Variants in PCLAF observed in about 807,000 individuals in gnomAD.
The protein encoded by PCLAF is PCNA clamp associated factor.
In PCLAF, 12 loss-of-function variants were observed where a neutral mutation model predicts 15.1. That is an observed-to-expected ratio of 0.79 (90% CI 0.51 to 1.29). PCLAF has a LOEUF of 1.29. PCLAF is among the 50% of genes most tolerant of loss of function. PCLAF has a pLI of 0.00. For missense variants in PCLAF, 116 were observed against 130.9 expected (o/e 0.89, Z 0.56); for synonymous variants, 33 against 47.1 (o/e 0.70, Z 1.22).
At chr15:64,370,999 C>T (rs1899287049) in intron 3 of PCLAF, among the ~76,000 whole-genome samples, 1 of 133,682 alleles carries the variant, frequency 7.5e-6, no homozygotes, top group African/African-American at 2.8e-5. Flanking sequence ...GACGGAGTCT[C>T]GCGCTGTCGC....
At chr15:64,368,073 G>A (rs1215698963) in intron 3 of PCLAF, among the ~76,000 whole-genome samples, 1 of 151,908 alleles carries the variant, frequency 6.6e-6, no homozygotes, top group Admixed American at 6.6e-5. Flanking sequence ...CCGGCGCGGT[G>A]GCTCATGCCT....
chr15:64,376,621 G>C (rs1427228993), intron 3 of PCLAF, 122 bp downstream of exon 3: 87 of 682,300 alleles, frequency 1.3e-4, no homozygotes, highest in Non-Finnish European at 9.8e-6. Context: ...GTTCCACCAT[G>C]TTGGACAGGC....
chr15:64,370,426 G>A (rs1253444686), intron 3 of PCLAF, among the ~76,000 whole-genome samples: 1 of 148,244 alleles, frequency 6.7e-6, no homozygotes, highest in Non-Finnish European at 1.5e-5. Flanking sequence ...GGAGTGCAAT[G>A]GCATGATCTC....
chr15:64,373,826 A>C (rs1422242718), intron 3 of PCLAF: 3 of 1,485,356 alleles, frequency 2.0e-6, no homozygotes. Flanking sequence ...TGGCAGTGAC[A>C]TCACTCCCTT....
Position 64,376,729 on chromosome 15 carries a change from A to T in PCLAF, c.290+14T>A, listed in dbSNP as rs886575798. The stretch of plus-strand genomic sequence containing the variant: ...ATAAATATTTTCTTTATATTCCAGA[A>T]TATAAAAACTTACTTTCTCTTTGCT... On this transcript the variant is annotated intron_variant, in intron 3 of 3. Coordinates refer to ENST00000300035, the MANE Select transcript of PCLAF (RefSeq NM_014736.6). 5 of 1,602,208 alleles carry T rather than the reference A, an allele frequency of 3.1e-6. No individual in the cohort carries two copies. Among genetic ancestry groups the T allele is most frequent in the Admixed American group, 1.7e-5 (1 of 58,568 alleles).
At chr15:64,377,486 AAAATATATATATATATATATATATAT>A (rs1899644783) in intron 2 of PCLAF, among the ~76,000 whole-genome samples, 3 of 40,810 alleles carry the variant, frequency 7.4e-5, no homozygotes, top group African/African-American at 2.7e-4. Flanking sequence ...AAAAAAAAAA[AAAATATATATATATATATATATATAT>A]ATATATATAT....
upstream of PCLAF, among the ~76,000 whole-genome samples, chr15:64,381,689 A>G (rs117530341): frequency 7.5e-4 from 115 of 152,320 alleles, no homozygotes; most frequent in Admixed American, 2.4e-3. Flanking sequence ...GTGGGTGCTA[A>G]GTTTCTGAAC....
chr15:64,381,256 C>T (rs375863113), intron 1 of PCLAF, 70 bp downstream of exon 1: 132 of 1,560,852 alleles, frequency 8.5e-5, no homozygotes, highest in South Asian at 1.6e-4. Context: ...GGACCTCTGG[C>T]GTCTGTCGCC....
At chr15:64,377,263 C>T (rs888910396) in intron 2 of PCLAF, among the ~76,000 whole-genome samples, 4 of 150,624 alleles carry the variant, frequency 2.7e-5, no homozygotes, top group South Asian at 4.2e-4. Flanking sequence ...GTCAGGAGTT[C>T]GAGACCAACC....
chr15:64,374,966 G>A (rs1899548554), intron 3 of PCLAF, among the ~76,000 whole-genome samples: 1 of 151,910 alleles, frequency 6.6e-6, no homozygotes. Flanking sequence ...CAAGTTTGGT[G>A]TGTGTAGTTT....
At chr15:64,379,027 A>G (rs147758148) in intron 2 of PCLAF, among the ~76,000 whole-genome samples, 1 of 152,286 alleles carries the variant, frequency 6.6e-6, no homozygotes, top group East Asian at 1.9e-4. Flanking sequence ...TAAAATAAGG[A>G]TATTACCCAT....
At chr15:64,375,657 T>G (rs1221865913) in intron 3 of PCLAF, among the ~76,000 whole-genome samples, 1 of 152,062 alleles carries the variant, frequency 6.6e-6, no homozygotes, top group Non-Finnish European at 1.5e-5. Context: ...CCTCCCAAAG[T>G]GCTAGGATTA....
Position 64,364,355 on chromosome 15 carries a change from A to G in PCLAF, c.*1675T>C, listed in dbSNP as rs1596317504. On this transcript the variant is annotated 3_prime_UTR_variant, in exon 4 of 4. Transcript: ENST00000300035. Reference sequence around the variant, plus strand: ...TTTATTACAAACGTATTTCAGAAAAATATGCCTACTAAAATATGATTACTT... The same window carrying G: ...TTTATTACAAACGTATTTCAGAAAAGTATGCCTACTAAAATATGATTACTT... 6.6e-6 allele frequency: 1 copy of G among 152,228 alleles called. No homozygotes were observed. Among genetic ancestry groups the G allele is most frequent in the African/African-American group, 2.4e-5 (1 of 41,452 alleles). The allele number at this position is 152,228 out of a possible 1,614,324, so 9.4% of individuals were successfully genotyped here.
At chr15:64,385,025 A>T (rs767588409), upstream of PCLAF, among the ~76,000 whole-genome samples, 11 of 151,914 alleles carry the variant, frequency 7.2e-5, no homozygotes, top group Non-Finnish European at 1.6e-4. Flanking sequence ...GTAGCTGGGA[A>T]CACAGGAGCT....
chr15:64,366,991 C>T (rs981559557), intron 3 of PCLAF, among the ~76,000 whole-genome samples: 3 of 150,804 alleles, frequency 2.0e-5, no homozygotes, highest in African/African-American at 7.3e-5. Flanking sequence ...ATTAGTTGGT[C>T]GTGGTGGCAC....
At chr15:64,387,431 C>A (rs1235905998) in intron 1 of PCLAF, 2 of 1,190,966 alleles carry the variant, frequency 1.7e-6, no homozygotes, top group Non-Finnish European at 2.1e-6. Context: ...AAACCACCAC[C>A]AGAGCAAAAA....
upstream of PCLAF, among the ~76,000 whole-genome samples, chr15:64,383,443 T>G (rs1193316964): frequency 6.6e-6 from 1 of 151,414 alleles, no homozygotes; most frequent in Non-Finnish European, 1.5e-5. Context: ...CTCGGCTCAC[T>G]GCAATCTCCG....
chr15:64,381,137 A>C, intron 1 of PCLAF, 99 bp from the exon 2 acceptor site: 2 of 1,286,922 alleles, frequency 1.6e-6, no homozygotes, highest in Non-Finnish European at 2.2e-6. Flanking sequence ...CTGGCGATCC[A>C]GAACAGCAGG....
intron 3 of PCLAF, among the ~76,000 whole-genome samples, chr15:64,370,263 T>TTG (rs1555407136): frequency 6.7e-6 from 1 of 148,682 alleles, no homozygotes; most frequent in African/African-American, 2.5e-5. Flanking sequence ...TTTTTTTTTT[T>TTG]TGTGTAGAGA....
Sources: gnomAD v4.1 joint callset for allele counts (sites outside exome capture counted in the v4.1 genomes callset) on GRCh38, gnomAD v4.1.1 for gene constraint, MANE v1.5 for transcripts, NCBI Gene and HGNC (gene_info 2026-07-23, HGNC 2026-07-21) for gene names.